RSBN1: variants seen among roughly 807,000 people sequenced by gnomAD.
RSBN1 encodes lysine-specific demethylase 9.
A neutral mutation model predicts 74.8 loss-of-function variants in RSBN1; 23 were observed. The ratio of observed to expected loss-of-function variants is 0.31; its 90% CI spans 0.22 to 0.44. The LOEUF is 0.44. RSBN1 is among the 20% of genes least tolerant of loss of function. The probability of loss-of-function intolerance (pLI) is 1.00; values close to 1 mark genes in which losing one functional copy is unlikely to be tolerated. For synonymous variants in RSBN1, 407 were observed against 379.6 expected (o/e 1.07, Z -0.84); for missense variants, 808 against 1,020.9 (o/e 0.79, Z 2.84).
intron 4 of RSBN1, among the ~76,000 whole-genome samples, chr1:113,771,810 CAAAAAAAAA>C (rs71779986): frequency 1.3e-5 from 1 of 75,346 alleles, no homozygotes; most frequent in Non-Finnish European, 2.5e-5. Flanking sequence ...GTTCCTACCT[CAAAAAAAAA>C]AAAAAAAAAA....
At chr1:113,773,952 G>A (rs996852824) in intron 4 of RSBN1, among the ~76,000 whole-genome samples, 11 of 151,540 alleles carry the variant, frequency 7.3e-5, no homozygotes, top group East Asian at 2.0e-4. Context: ...GCAGTGAGCC[G>A]AGATCGCGCC....
At position 113,791,425 on chromosome 1, in the gene RSBN1, CT is replaced by C. The variant is rs151123888; in HGVS notation, c.1377+5937del. Among the ~76,000 whole-genome samples, 763 of 152,226 alleles carry C rather than the reference CT, an allele frequency of 5.0e-3. 4 individuals are homozygous for C. Among genetic ancestry groups the C allele is most frequent in the African/African-American group, 0.018 (737 of 41,536 alleles). ...ACTGTGTCCCCAATACATAGAGCTT[CT>C]ACAAAGGACAATTATAAATCTGTTA... is the stretch of plus-strand genomic sequence containing the variant. On this transcript the variant is annotated intron_variant, in intron 2 of 6. Coordinates refer to ENST00000261441, the MANE Select transcript of RSBN1 (RefSeq NM_018364.5).
intron 4 of RSBN1, among the ~76,000 whole-genome samples, chr1:113,776,810 C>CAAAAAAA (rs58152175): frequency 3.3e-5 from 3 of 90,258 alleles, no homozygotes; most frequent in Non-Finnish European, 6.5e-5. Context: ...GACCCTATCT[C>CAAAAAAA]AAAAAAAAAA....
At chr1:113,771,678 G>C (rs895895394) in intron 4 of RSBN1, among the ~76,000 whole-genome samples, 30 of 151,562 alleles carry the variant, frequency 2.0e-4, no homozygotes, top group African/African-American at 7.3e-4. Flanking sequence ...CGTGGTTCTG[G>C]AAGAAAGTAA....
At chr1:113,778,628 C>A (rs969073172) in intron 2 of RSBN1, among the ~76,000 whole-genome samples, 1 of 151,956 alleles carries the variant, frequency 6.6e-6, no homozygotes, top group Non-Finnish European at 1.5e-5. Flanking sequence ...CAACTTATGA[C>A]AAACTTATTT....
chr1:113,761,986 C>A lies in RSBN1; in HGVS notation c.*3994G>T, dbSNP rs1022546171. 1.3e-5 allele frequency: 2 copies of A among 152,750 alleles called. No homozygotes were observed. Among genetic ancestry groups the A allele is most frequent in the African/African-American group, 4.8e-5 (2 of 41,524 alleles). 9.5% of individuals were successfully genotyped at this position (152,750 alleles called of 1,614,324 possible). ...CACTGTGTTAAAAGGATTATTCACACAAATTTAGATTTAAGACTATTCATT... is the reference window on the plus strand; with the variant it reads ...CACTGTGTTAAAAGGATTATTCACAAAAATTTAGATTTAAGACTATTCATT... On this transcript the variant is annotated 3_prime_UTR_variant, in exon 7 of 7. Transcript: ENST00000261441.
At chr1:113,783,442 T>C (rs1390452441) in intron 2 of RSBN1, among the ~76,000 whole-genome samples, 1 of 143,494 alleles carries the variant, frequency 7.0e-6, no homozygotes, top group East Asian at 2.0e-4. Context: ...ACTTTCAACC[T>C]GAAAAGGCTG....
rs147797898 is a variant in RSBN1 at position 113,811,792 on chromosome 1, G to A, written c.621C>T (p.Cys207=). ...HRGPDGDPSS[C]GTDLKHKDKQ... ...TGTCCTTGTGCTTGAGATCGGTTCC[G>A]CAGGAGCTGGGATCACCATCGGGGC... The change falls in exon 1 of 7, where the codon TGC becomes TGT. Residue 207 remains cysteine, a synonymous_variant. Coordinates refer to ENST00000261441, the MANE Select transcript of RSBN1 (RefSeq NM_018364.5). 5 of 1,613,618 alleles carry A rather than the reference G, an allele frequency of 3.1e-6. No homozygotes were observed. In the Admixed American group the frequency reaches 6.7e-5, roughly 22 times the overall value.
intron 2 of RSBN1, among the ~76,000 whole-genome samples, chr1:113,787,529 C>T (rs2101807994): frequency 6.6e-6 from 1 of 152,314 alleles, no homozygotes; most frequent in East Asian, 1.9e-4. Context: ...TTCTACCTTC[C>T]TATCCCATGC....
rs1418793878 is a variant in RSBN1, at chr1:113,797,350, A to C, written c.1377+13T>G. ...TCGTATTTACTAATTTTTAACAACAATTTTTATCTTACCTGAGTGTGAAAA... is the reference window on the plus strand; with the variant it reads ...TCGTATTTACTAATTTTTAACAACACTTTTTATCTTACCTGAGTGTGAAAA... On this transcript the variant is annotated intron_variant, in intron 2 of 6. Transcript: ENST00000261441. The C allele has an allele frequency of 3.8e-6, 6 of 1,594,218 alleles. No individual in the cohort carries two copies. The highest frequency in any genetic ancestry group is 5.1e-6 in the Non-Finnish European group (6 of 1,171,656).
chr1:113,775,070 G>A (rs1659995267), intron 4 of RSBN1, among the ~76,000 whole-genome samples: 1 of 151,446 alleles, frequency 6.6e-6, no homozygotes, highest in South Asian at 2.1e-4. Context: ...TGTCCCCCAG[G>A]CTTGAGTGGA....
chr1:113,806,163 C>A (rs767253850), intron 1 of RSBN1, among the ~76,000 whole-genome samples: 3 of 151,794 alleles, frequency 2.0e-5, no homozygotes, highest in Non-Finnish European at 4.4e-5. Flanking sequence ...TGGTGAAACC[C>A]CATCTCTACT....
At chr1:113,780,930 C>T (rs1309235942) in intron 2 of RSBN1, among the ~76,000 whole-genome samples, 2 of 152,140 alleles carry the variant, frequency 1.3e-5, no homozygotes, top group African/African-American at 2.4e-5. Flanking sequence ...GAAATTAGAC[C>T]TCTAGCTTTC....
intron 2 of RSBN1, among the ~76,000 whole-genome samples, chr1:113,793,789 T>A (rs543587892): frequency 3.0e-4 from 46 of 152,076 alleles, no homozygotes; most frequent in African/African-American, 1.1e-3. Flanking sequence ...CAAGCCAGCA[T>A]CCCAAGCAGC....
In RSBN1 at chr1:113,766,463, GAAAA is replaced by G; in HGVS notation, c.1936-14_1936-11del. On this transcript the variant is annotated splice_polypyrimidine_tract_variant and intron_variant, in intron 6 of 6. Coordinates refer to ENST00000261441, the MANE Select transcript of RSBN1 (RefSeq NM_018364.5). ...CTACCCACTGTACGCACTGAAGAAA[GAAAA>G]AAGTTACGTGAGACTTTAAAATATG... 1 of 1,548,504 alleles carries G rather than the reference GAAAA, an allele frequency of 6.5e-7. No individual in the cohort carries two copies.
chr1:113,805,054 T>C (rs916077915), intron 1 of RSBN1, among the ~76,000 whole-genome samples: 2 of 152,080 alleles, frequency 1.3e-5, no homozygotes, highest in African/African-American at 2.4e-5. Flanking sequence ...AAATCATGAA[T>C]TTACTAAGAA....
intron 1 of RSBN1, among the ~76,000 whole-genome samples, chr1:113,806,818 CAG>C (rs1044729881): frequency 8.4e-6 from 1 of 119,090 alleles, no homozygotes; most frequent in Non-Finnish European, 1.7e-5. Flanking sequence ...CTGGACAACA[CAG>C]AGAGACCCTG....
chr1:113,782,061 G>C (rs1660149157), intron 2 of RSBN1, among the ~76,000 whole-genome samples: 2 of 152,112 alleles, frequency 1.3e-5, no homozygotes, highest in Non-Finnish European at 2.9e-5. Context: ...AGCCCCTCCT[G>C]ATCTATTATT....
chr1:113,790,202 G>A lies in RSBN1; in HGVS notation c.1377+7161C>T, dbSNP rs919065320. On this transcript the variant is annotated intron_variant, in intron 2 of 6. Transcript: ENST00000261441. ...AGGGAAAGGTTGGAGGGGTAGTAGC[G>A]GGTAACTGACATCAAAGATCCTAAC... Among the ~76,000 whole-genome samples, 6 of 152,092 alleles carry A rather than the reference G, an allele frequency of 3.9e-5. No homozygotes were observed. The South Asian group carries it at 6.2e-4, about 16-fold the overall frequency.
Sources: allele counts gnomAD v4.1 joint callset (sites outside exome capture counted in the v4.1 genomes callset), GRCh38; gene constraint gnomAD v4.1.1; transcripts MANE v1.5; gene names NCBI Gene and HGNC (gene_info 2026-07-23, HGNC 2026-07-21).